Variants in ULK4 observed in about 807,000 individuals in gnomAD.
ULK4 encodes the protein unc-51 like kinase 4.
Under a neutral mutation model 160.6 loss-of-function variants are expected in ULK4, and 133 were observed. The ratio of observed to expected loss-of-function variants is 0.83; its 90% confidence interval spans 0.72 to 0.96. ULK4 has a LOEUF of 0.96. ULK4 is among the 40% of genes least tolerant of loss of function. ULK4 has a pLI of 0.00. For missense variants in ULK4, 1,580 were observed against 1,499.5 expected, an observed-to-expected ratio of 1.05 and a Z score of -0.89; for synonymous variants, 534 against 539.8, an observed-to-expected ratio of 0.99 and a Z score of 0.15.
At chr3:41,288,506 G>C (rs1178606833) in intron 35 of ULK4, among the ~76,000 whole-genome samples, 1 of 152,118 alleles carries the variant, frequency 6.6e-6, no homozygotes, top group Non-Finnish European at 1.5e-5. Context: ...TCTGACTCTT[G>C]GTATGATGTG....
chr3:41,917,720 G>A (rs531616541), intron 7 of ULK4, among the ~76,000 whole-genome samples: 72 of 152,092 alleles, frequency 4.7e-4, no homozygotes, highest in African/African-American at 1.4e-3. Context: ...AGTGGCTCAC[G>A]CCTGTAATCC....
chr3:41,773,554 G>A (rs1372131828), intron 21 of ULK4, among the ~76,000 whole-genome samples: 1 of 152,092 alleles, frequency 6.6e-6, no homozygotes, highest in Non-Finnish European at 1.5e-5. Flanking sequence ...ACAAACCACT[G>A]CTCAATGAAA....
intron 7 of ULK4, 35 bp downstream of exon 7, chr3:41,918,422 T>TGTA (rs1559649431): frequency 6.9e-7 from 1 of 1,445,408 alleles, no homozygotes; most frequent in Non-Finnish European, 9.5e-7. Context: ...CAGTGTAAAA[T>TGTA]GTAAATTAAT....
chr3:41,384,323 A>G (rs1267117127), intron 35 of ULK4, among the ~76,000 whole-genome samples: 1 of 152,198 alleles, frequency 6.6e-6, no homozygotes, highest in Non-Finnish European at 1.5e-5. Context: ...ATGGAAAAAA[A>G]AAAGATTCTT....
intron 29 of ULK4, among the ~76,000 whole-genome samples, chr3:41,673,716 T>C (rs2035614034): frequency 6.6e-6 from 1 of 151,914 alleles, no homozygotes; most frequent in African/African-American, 2.4e-5. Flanking sequence ...ATAACTAAAA[T>C]ATATGTTGGC....
chr3:41,706,675 A>G (rs2036898903), intron 25 of ULK4, among the ~76,000 whole-genome samples: 1 of 150,966 alleles, frequency 6.6e-6, no homozygotes. Context: ...TAAAAATACA[A>G]AAATTAGCCA....
intron 17 of ULK4, among the ~76,000 whole-genome samples, chr3:41,856,492 CATTA>C (rs1324320082): frequency 2.3e-5 from 3 of 127,762 alleles, no homozygotes; most frequent in African/African-American, 9.4e-5. Context: ...CATGAGGACA[CATTA>C]ATAAATAAAT....
At chr3:41,883,452 C>T (rs1274607502) in intron 17 of ULK4, among the ~76,000 whole-genome samples, 3 of 152,130 alleles carry the variant, frequency 2.0e-5, no homozygotes, top group African/African-American at 4.8e-5. Context: ...GTGTAACATA[C>T]GTTAACGGAA....
chr3:41,393,575 C>A (rs938576539), intron 35 of ULK4, among the ~76,000 whole-genome samples: 1 of 152,160 alleles, frequency 6.6e-6, no homozygotes, highest in East Asian at 1.9e-4. Context: ...GGCTTCTCCA[C>A]CATAGCACTG....
At chr3:41,821,189 T>C (rs1209891959) in intron 18 of ULK4, among the ~76,000 whole-genome samples, 1 of 152,210 alleles carries the variant, frequency 6.6e-6, no homozygotes, top group Non-Finnish European at 1.5e-5. Context: ...TTTACTCTTG[T>C]TTGGGAAACC....
chr3:41,719,639 C>T (rs2037382161), intron 22 of ULK4, among the ~76,000 whole-genome samples: 1 of 152,186 alleles, frequency 6.6e-6, no homozygotes, highest in African/African-American at 2.4e-5. Flanking sequence ...TCTTTCACTT[C>T]TCCACTCCAA....
intron 22 of ULK4, among the ~76,000 whole-genome samples, chr3:41,751,484 C>T (rs2038625160): frequency 6.6e-6 from 1 of 151,914 alleles, no homozygotes; most frequent in South Asian, 2.1e-4. Flanking sequence ...ACTTTCCAGA[C>T]CCTCTCTCTA....
intron 31 of ULK4, among the ~76,000 whole-genome samples, chr3:41,605,699 A>C (rs2032344992): frequency 1.3e-5 from 2 of 152,042 alleles, no homozygotes; most frequent in African/African-American, 4.8e-5. Flanking sequence ...AGTGACAGAA[A>C]AGTAGACAGA....
chr3:41,292,229 G>T (rs1434233722), intron 35 of ULK4, among the ~76,000 whole-genome samples: 1 of 152,156 alleles, frequency 6.6e-6, no homozygotes, highest in Non-Finnish European at 1.5e-5. Context: ...TAAGTGGAAG[G>T]TGGAGATTGT....
intron 31 of ULK4, among the ~76,000 whole-genome samples, chr3:41,608,179 C>A (rs538516497): frequency 1.3e-5 from 2 of 152,252 alleles, no homozygotes; most frequent in South Asian, 4.1e-4. Flanking sequence ...AACTATTTTA[C>A]AAGCTCTATT....
chr3:41,560,725 C>A (rs1429140528), intron 32 of ULK4, among the ~76,000 whole-genome samples: 1 of 152,152 alleles, frequency 6.6e-6, no homozygotes, highest in Non-Finnish European at 1.5e-5. Context: ...TATCCTGAGA[C>A]TTTGCTGAAG....
At chr3:41,648,172 G>A (rs2034593179) in intron 30 of ULK4, among the ~76,000 whole-genome samples, 1 of 152,264 alleles carries the variant, frequency 6.6e-6, no homozygotes, top group African/African-American at 2.4e-5. Flanking sequence ...GCCTTGCCCT[G>A]CTTCAGCTCC....
intron 31 of ULK4, among the ~76,000 whole-genome samples, chr3:41,605,080 T>A (rs1419351275): frequency 6.6e-6 from 1 of 151,920 alleles, no homozygotes; most frequent in African/African-American, 2.4e-5. Flanking sequence ...GACTATTACA[T>A]CAACATAATT....
intron 20 of ULK4, among the ~76,000 whole-genome samples, chr3:41,791,283 C>T (rs760609126): frequency 1.3e-4 from 19 of 152,000 alleles, no homozygotes; most frequent in Non-Finnish European, 2.6e-4. Context: ...CATGAGCCAC[C>T]GCATCTGGCC....
Sources: allele counts gnomAD v4.1 joint callset (sites outside exome capture counted in the v4.1 genomes callset), GRCh38; gene constraint gnomAD v4.1.1; transcripts MANE v1.5; gene names NCBI Gene and HGNC (gene_info 2026-07-23, HGNC 2026-07-21).